PAK3: variants seen among roughly 807,000 people sequenced by gnomAD.
The protein encoded by PAK3 is p21 (RAC1) activated kinase 3.
Under a neutral mutation model 41.0 loss-of-function variants are expected in PAK3, and 4 were observed. The ratio of observed to expected loss-of-function variants is 0.10; its 90% CI spans 0.05 to 0.22. The LOEUF is 0.22. PAK3 is among the 10% of genes least tolerant of loss of function. PAK3 has a pLI of 1.00. For missense variants in PAK3, 205 were observed against 409.9 expected (o/e 0.50, Z 4.32); for synonymous variants, 146 against 139.6 (o/e 1.05, Z -0.32).
At chrX:111,012,789 G>A (rs980924424) in intron 1 of PAK3, among the ~76,000 whole-genome samples, 5 of 111,329 alleles carry the variant, frequency 4.5e-5, no homozygotes, top group Non-Finnish European at 7.5e-5. Context: ...TTTTTTATTT[G>A]CATTTTTTTG....
intron 1 of PAK3, among the ~76,000 whole-genome samples, chrX:110,979,631 A>G (rs1393508068): frequency 1.8e-5 from 2 of 111,324 alleles, no homozygotes; most frequent in African/African-American, 6.5e-5. Context: ...TTCTGCTCAT[A>G]TATTTATTAT....
chrX:111,114,703 G>A (rs1038308166), intron 4 of PAK3, among the ~76,000 whole-genome samples: 3 of 111,707 alleles, frequency 2.7e-5, no homozygotes, highest in Non-Finnish European at 5.6e-5. Flanking sequence ...GTACTATGAC[G>A]TAGAGGATTT....
chrX:111,197,686 T>C (rs773941902), intron 16 of PAK3, among the ~76,000 whole-genome samples: 3 of 111,028 alleles, frequency 2.7e-5, no homozygotes, highest in Non-Finnish European at 5.7e-5. Flanking sequence ...CCAGCATCTG[T>C]TATTTTTTGA....
At chrX:111,012,988 T>G (rs2092033940) in intron 1 of PAK3, among the ~76,000 whole-genome samples, 1 of 111,874 alleles carries the variant, frequency 8.9e-6, no homozygotes, top group Non-Finnish European at 1.9e-5. Context: ...CTCGCTATGT[T>G]TCCCAGGTTG....
intron 8 of PAK3, among the ~76,000 whole-genome samples, chrX:111,155,535 T>C (rs1004944315): frequency 3.7e-5 from 4 of 109,207 alleles, no homozygotes; most frequent in African/African-American, 1.3e-4. Flanking sequence ...ATGGATAGTA[T>C]TACATATCAT....
At chrX:111,191,992 G>A (rs1221927659) in intron 11 of PAK3, 135 bp from the exon 12 acceptor site, 1 of 436,537 alleles carries the variant, frequency 2.3e-6, no homozygotes, top group Admixed American at 3.3e-5. Context: ...TTTTTTAAAA[G>A]GTTGTTCCTT....
At chrX:110,963,480 T>G (rs2091020149) in intron 1 of PAK3, among the ~76,000 whole-genome samples, 1 of 112,224 alleles carries the variant, frequency 8.9e-6, no homozygotes, top group African/African-American at 3.2e-5. Context: ...CATTGATAAA[T>G]CTGGTGGTTC....
At chrX:110,993,297 C>T (rs1234117704) in intron 1 of PAK3, among the ~76,000 whole-genome samples, 1 of 111,494 alleles carries the variant, frequency 9.0e-6, no homozygotes, top group African/African-American at 3.3e-5. Context: ...CACACTTCCC[C>T]TATTTTGGCC....
chrX:110,946,851 G>A (rs2090630427), intron 1 of PAK3, among the ~76,000 whole-genome samples: 1 of 112,245 alleles, frequency 8.9e-6, no homozygotes, highest in African/African-American at 3.2e-5. Flanking sequence ...AACCTGAACG[G>A]GATCTTGAGG....
chrX:111,011,921 A>G (rs775754247), intron 1 of PAK3, among the ~76,000 whole-genome samples: 34 of 112,427 alleles, frequency 3.0e-4, no homozygotes, highest in Admixed American at 7.5e-4. Context: ...AAACCACTAC[A>G]TGATACTTCA....
intron 5 of PAK3, among the ~76,000 whole-genome samples, chrX:111,135,912 A>G (rs2093782520): frequency 1.8e-5 from 2 of 111,888 alleles, no homozygotes; most frequent in Admixed American, 9.5e-5. Flanking sequence ...TGATCTCAGC[A>G]TGTTTTTTAA....
At chrX:111,160,571 T>G (rs2094161191) in intron 8 of PAK3, among the ~76,000 whole-genome samples, 1 of 109,072 alleles carries the variant, frequency 9.2e-6, no homozygotes, top group Admixed American at 9.8e-5. Context: ...ACCCATTAAC[T>G]CATCATTTAG....
intron 10 of PAK3, among the ~76,000 whole-genome samples, chrX:111,171,214 A>C (rs2094335937): frequency 1.8e-5 from 2 of 111,455 alleles, no homozygotes; most frequent in African/African-American, 6.5e-5. Context: ...TGACAACTAG[A>C]AGATAGAATT....
intron 17 of PAK3, among the ~76,000 whole-genome samples, chrX:111,219,578 G>A (rs918597200): frequency 1.8e-5 from 2 of 111,249 alleles, no homozygotes; most frequent in African/African-American, 6.5e-5. Flanking sequence ...TAAGGTGACA[G>A]AAGAAAATCC....
At chrX:111,148,379 C>G (rs1013812453) in intron 7 of PAK3, among the ~76,000 whole-genome samples, 1 of 112,032 alleles carries the variant, frequency 8.9e-6, no homozygotes, top group African/African-American at 3.2e-5. Flanking sequence ...TTTTTAGAAA[C>G]TGAAATATCC....
At chrX:111,163,179 A>G in intron 9 of PAK3, 133 bp downstream of exon 9, 1 of 663,225 alleles carries the variant, frequency 1.5e-6, no homozygotes, top group Non-Finnish European at 2.4e-6. Context: ...ATAAAATATG[A>G]CCAAGGTTTT....
At chrX:111,006,838 T>TTTCTTTCA (rs2091934889) in intron 1 of PAK3, among the ~76,000 whole-genome samples, 1 of 15,704 alleles carries the variant, frequency 6.4e-5, no homozygotes, top group African/African-American at 8.9e-5. Context: ...TCTTTCTTTC[T>TTTCTTTCA]TTCTTTCTTT....
intron 12 of PAK3, 136 bp from the exon 13 acceptor site, chrX:111,192,370 G>A: frequency 1.9e-6 from 1 of 528,024 alleles, no homozygotes; most frequent in Non-Finnish European, 3.3e-6. Context: ...AAAAGTGGGG[G>A]GCATGTGTTT....
At chrX:111,154,246 C>A (rs2094071869) in intron 8 of PAK3, among the ~76,000 whole-genome samples, 1 of 111,143 alleles carries the variant, frequency 9.0e-6, no homozygotes, top group African/African-American at 3.3e-5. Flanking sequence ...ATATCCTCAA[C>A]AGTACTGAAA....
Sources: allele counts gnomAD v4.1 joint callset (sites outside exome capture counted in the v4.1 genomes callset), GRCh38; gene constraint gnomAD v4.1.1; transcripts MANE v1.5; gene names NCBI Gene and HGNC (gene_info 2026-07-23, HGNC 2026-07-21).